Variants in MARCHF6 observed in about 807,000 individuals in gnomAD.
MARCHF6 encodes E3 ubiquitin-protein ligase MARCHF6.
A neutral mutation model predicts 133.7 loss-of-function variants in MARCHF6; 31 were observed. That is an observed-to-expected ratio of 0.23 (90% CI 0.17 to 0.31). MARCHF6 has a LOEUF of 0.31. Ranked by LOEUF, MARCHF6 falls within the 10% of genes least tolerant of loss-of-function variation. MARCHF6 has a pLI of 1.00. For missense variants in MARCHF6, 723 were observed against 1,121.6 expected (o/e 0.64, Z 5.08); for synonymous variants, 395 against 402.5 (o/e 0.98, Z 0.22).
intron 9 of MARCHF6, among the ~76,000 whole-genome samples, chr5:10,396,532 C>T (rs1393604297): frequency 1.3e-5 from 2 of 152,112 alleles, no homozygotes; most frequent in Non-Finnish European, 2.9e-5. Context: ...ATTAGGGGAC[C>T]TGAACAGAGA....
chr5:10,379,460 CTTT>C (rs11362340), intron 3 of MARCHF6, among the ~76,000 whole-genome samples: 2 of 144,650 alleles, frequency 1.4e-5, no homozygotes, highest in Non-Finnish European at 1.5e-5. Context: ...AAAGATAAAG[CTTT>C]TTTTTTTTTT....
chr5:10,398,696 A>G (rs1738336887), intron 10 of MARCHF6, among the ~76,000 whole-genome samples: 1 of 152,196 alleles, frequency 6.6e-6, no homozygotes, highest in South Asian at 2.1e-4. Flanking sequence ...TAAAACATGA[A>G]TTATACAAAT....
intron 1 of MARCHF6, among the ~76,000 whole-genome samples, chr5:10,374,413 C>A (rs146650941): frequency 6.6e-6 from 1 of 152,262 alleles, no homozygotes; most frequent in East Asian, 1.9e-4. Context: ...ACGGGCTCTT[C>A]TTCCCTGAGT....
intron 15 of MARCHF6, among the ~76,000 whole-genome samples, chr5:10,404,791 C>G (rs1468175314): frequency 3.9e-5 from 6 of 152,168 alleles, no homozygotes; most frequent in Non-Finnish European, 8.8e-5. Context: ...GGTATAATTT[C>G]AGTAAATTCT....
rs1434880467 is a variant in MARCHF6, at chr5:10,434,670, A to C, written c.*986A>C. On this transcript the variant is annotated 3_prime_UTR_variant, in exon 26 of 26. Coordinates refer to ENST00000274140, the MANE Select transcript of MARCHF6 (RefSeq NM_005885.4). The stretch of plus-strand genomic sequence containing the variant: ...GAAGTATAGATGTGGTTGTGGTCTT[A>C]GATTGACAGCATTAGAGAAGACTGG... 6.6e-6 allele frequency: 1 copy of C among 152,512 alleles called. No homozygotes were observed. The highest frequency in any genetic ancestry group is 2.4e-5 in the African/African-American group (1 of 41,410). 9.4% of individuals were successfully genotyped at this position (152,512 alleles called of 1,614,324 possible). A position where few individuals can be genotyped will look rare whatever the true frequency, so the allele number is the denominator to read the frequency against.
chr5:10,433,308 T>G (rs1263123036), intron 25 of MARCHF6, among the ~76,000 whole-genome samples: 1 of 152,234 alleles, frequency 6.6e-6, no homozygotes, highest in Non-Finnish European at 1.5e-5. Flanking sequence ...ACTGTATCCC[T>G]CCTGGCCTCC....
At position 10,435,964 on chromosome 5, in the gene MARCHF6, C is replaced by T. The variant is rs1740640552; in HGVS notation, c.*2280C>T. On this transcript the variant is annotated 3_prime_UTR_variant, in exon 26 of 26. Coordinates refer to ENST00000274140, the MANE Select transcript of MARCHF6 (RefSeq NM_005885.4). The stretch of plus-strand genomic sequence containing the variant: ...AACTCCTGACTGCAGGTGATCCGTC[C>T]TCCTTGGGCTCCCAAAGTGCTGGGA... The T allele has an allele frequency of 6.6e-6, 1 of 151,370 alleles. No homozygotes were observed. Among genetic ancestry groups the T allele is most frequent in the Non-Finnish European group, 1.5e-5 (1 of 67,916 alleles). The allele number at this position is 151,370 out of a possible 1,614,324, so 9.4% of individuals were successfully genotyped here.
At chr5:10,391,392 C>T in intron 6 of MARCHF6, 150 bp from the exon 7 acceptor site, 1 of 566,694 alleles carries the variant, frequency 1.8e-6, no homozygotes, top group Non-Finnish European at 3.0e-6. Flanking sequence ...CTCAGCCTCC[C>T]AAAGTGCTAG....
intron 20 of MARCHF6, 91 bp downstream of exon 20, chr5:10,414,593 A>G: frequency 1.9e-6 from 2 of 1,044,984 alleles, no homozygotes; most frequent in African/African-American, 1.6e-5. Flanking sequence ...CCCAGTCTGG[A>G]GGGTAGTAGT....
intron 22 of MARCHF6, among the ~76,000 whole-genome samples, chr5:10,421,423 G>A (rs1423094945): frequency 6.6e-6 from 1 of 152,232 alleles, no homozygotes; most frequent in Non-Finnish European, 1.5e-5. Flanking sequence ...CAGATAATGT[G>A]CAGCGTGCTA....
At chr5:10,357,506 A>G (rs576498373) in intron 1 of MARCHF6, among the ~76,000 whole-genome samples, 1 of 152,312 alleles carries the variant, frequency 6.6e-6, no homozygotes, top group African/African-American at 2.4e-5. Context: ...GCTAAAGAGT[A>G]TTATGGTTGA....
rs1740657861 is a variant in MARCHF6, at chr5:10,436,414, G to A, written c.*2730G>A. ...TCCGGGTTTTAGTATTTAACCAAGAGCCTTTTAAATATTGAAAACCCATAG... is the reference window on the plus strand; with the variant it reads ...TCCGGGTTTTAGTATTTAACCAAGAACCTTTTAAATATTGAAAACCCATAG... On this transcript the variant is annotated 3_prime_UTR_variant, in exon 26 of 26. Transcript: ENST00000274140. 6.6e-6 allele frequency: 1 copy of A among 152,062 alleles called. No individual in the cohort carries two copies. Among genetic ancestry groups the A allele is most frequent in the South Asian group, 2.1e-4 (1 of 4,824 alleles). 9.4% of individuals were successfully genotyped at this position (152,062 alleles called of 1,614,324 possible). A position where few individuals can be genotyped will look rare whatever the true frequency, so the allele number is the denominator to read the frequency against.
chr5:10,426,672 C>T lies in MARCHF6; in HGVS notation c.2506+150C>T, dbSNP rs1329990054. On this transcript the variant is annotated intron_variant, in intron 24 of 25. Transcript: ENST00000274140. ...ACAATGATTTCAAAATACCACTTTT[C>T]TTAGATTTGACTATTCTGGGTAAGA... 1.5e-5 allele frequency: 13 copies of T among 865,732 alleles called. No individual in the cohort carries two copies. In the East Asian group the frequency reaches 3.2e-4, roughly 21 times the overall value. 53.6% of individuals were successfully genotyped at this position (865,732 alleles called of 1,614,324 possible).
chr5:10,376,037 G>A (rs1205163271), intron 1 of MARCHF6, among the ~76,000 whole-genome samples: 3 of 152,120 alleles, frequency 2.0e-5, no homozygotes, highest in South Asian at 2.1e-4. Context: ...CAGGCCACTC[G>A]GCTCTACCAA....
intron 22 of MARCHF6, among the ~76,000 whole-genome samples, chr5:10,422,500 T>G (rs1739876644): frequency 6.6e-6 from 1 of 152,154 alleles, no homozygotes; most frequent in Non-Finnish European, 1.5e-5. Flanking sequence ...TCATTGGACT[T>G]TTTTTCTGTA....
chr5:10,428,844 A>G (rs1740226564), intron 24 of MARCHF6, among the ~76,000 whole-genome samples: 1 of 152,162 alleles, frequency 6.6e-6, no homozygotes. Context: ...ATTTTTAAAA[A>G]TTTTATTGTG....
chr5:10,382,468 C>CA (rs550904656), intron 4 of MARCHF6, among the ~76,000 whole-genome samples: 5,462 of 74,122 alleles, frequency 0.074, 364 homozygotes, highest in African/African-American at 0.22. Context: ...CTTTGTCTCG[C>CA]AAAAAAAAAA....
chr5:10,381,586 CT>C (rs1329753669), intron 3 of MARCHF6, among the ~76,000 whole-genome samples: 1 of 152,006 alleles, frequency 6.6e-6, no homozygotes, highest in Non-Finnish European at 1.5e-5. Context: ...GCCCAGAGGC[CT>C]TTGTTGATTT....
intron 1 of MARCHF6, among the ~76,000 whole-genome samples, chr5:10,355,704 G>T (rs1193257334): frequency 6.6e-6 from 1 of 152,110 alleles, no homozygotes; most frequent in Non-Finnish European, 1.5e-5. Context: ...CTCTCACATC[G>T]TTAGGTAGTC....
Sources: allele counts gnomAD v4.1 joint callset (sites outside exome capture counted in the v4.1 genomes callset), GRCh38; gene constraint gnomAD v4.1.1; transcripts MANE v1.5; gene names NCBI Gene and HGNC (gene_info 2026-07-23, HGNC 2026-07-21).